CNTNAP5: variants seen among roughly 807,000 people sequenced by gnomAD.
CNTNAP5 encodes contactin associated protein family member 5, also known as contactin-associated protein-like 5.
Under a neutral mutation model 150.2 loss-of-function variants are expected in CNTNAP5, and 72 were observed. The observed-to-expected ratio is 0.48, with a 90% CI of 0.40 to 0.58. The LOEUF (loss-of-function observed/expected upper bound fraction) is 0.58. Among genes scored for constraint, CNTNAP5 ranks in the 20% least tolerant of loss-of-function variants. CNTNAP5 has a pLI of 0.00. For missense variants in CNTNAP5, 1,636 were observed against 1,626.2 expected, an observed-to-expected ratio of 1.01 and a Z score of -0.10; for synonymous variants, 672 against 619.8, an observed-to-expected ratio of 1.08 and a Z score of -1.25.
chr2:124,178,965 G>A (rs1157225574), intron 1 of CNTNAP5, among the ~76,000 whole-genome samples: 5 of 150,632 alleles, frequency 3.3e-5, no homozygotes, highest in African/African-American at 9.8e-5. Flanking sequence ...TTTTGTGTGT[G>A]TGTGAGAGAC....
intron 1 of CNTNAP5, among the ~76,000 whole-genome samples, chr2:124,031,268 A>T (rs535344217): frequency 1.1e-4 from 17 of 152,128 alleles, no homozygotes; most frequent in African/African-American, 3.9e-4. Flanking sequence ...TCTGATGGTC[A>T]TATTTTATTT....
intron 17 of CNTNAP5, among the ~76,000 whole-genome samples, chr2:124,785,041 G>GAAAAAAAAAAAAAAAAAAAAAAGAAAAAA (rs67254743): frequency 2.4e-5 from 3 of 123,486 alleles, no homozygotes; most frequent in Non-Finnish European, 5.0e-5. Context: ...TTAAGGCTGA[G>GAAAAAAAAAAAAAAAAAAAAAAGAAAAAA]AAAAAAAAAA....
intron 1 of CNTNAP5, among the ~76,000 whole-genome samples, chr2:124,139,938 T>G (rs1056512703): frequency 1.3e-5 from 2 of 152,080 alleles, no homozygotes; most frequent in Admixed American, 6.5e-5. Flanking sequence ...GCGCGCACCG[T>G]GCACGAGCCG....
chr2:124,355,786 T>G (rs1689983197), intron 3 of CNTNAP5, among the ~76,000 whole-genome samples: 1 of 152,180 alleles, frequency 6.6e-6, no homozygotes, highest in South Asian at 2.1e-4. Context: ...AGTTGGACAT[T>G]TGTAATTTGC....
At chr2:124,105,799 C>A (rs555058076) in intron 1 of CNTNAP5, among the ~76,000 whole-genome samples, 1 of 151,816 alleles carries the variant, frequency 6.6e-6, no homozygotes, top group Non-Finnish European at 1.5e-5. Context: ...TTTACCCCAC[C>A]GTGACCAGAT....
chr2:124,528,964 G>A (rs564094509), intron 10 of CNTNAP5, among the ~76,000 whole-genome samples: 29 of 152,074 alleles, frequency 1.9e-4, no homozygotes, highest in African/African-American at 5.3e-4. Flanking sequence ...AATGAGCTGC[G>A]TAACTTGGTG....
chr2:124,395,843 C>T (rs140105729), intron 3 of CNTNAP5, among the ~76,000 whole-genome samples: 8 of 152,190 alleles, frequency 5.3e-5, no homozygotes, highest in African/African-American at 1.9e-4. Flanking sequence ...GCACTCTGGT[C>T]CCTATTTTAA....
intron 3 of CNTNAP5, among the ~76,000 whole-genome samples, chr2:124,257,313 C>T (rs1687338172): frequency 6.6e-6 from 1 of 152,186 alleles, no homozygotes; most frequent in Non-Finnish European, 1.5e-5. Context: ...CTCTGAGCTC[C>T]TCTGCTAGGG....
intron 19 of CNTNAP5, among the ~76,000 whole-genome samples, chr2:124,811,680 G>A (rs997811173): frequency 7.8e-6 from 1 of 128,678 alleles, no homozygotes; most frequent in Non-Finnish European, 1.6e-5. Flanking sequence ...GGTGGCTCAT[G>A]CCTGTAATCC....
intron 21 of CNTNAP5, among the ~76,000 whole-genome samples, chr2:124,902,429 C>T (rs916883707): frequency 6.6e-6 from 1 of 152,104 alleles, no homozygotes; most frequent in Non-Finnish European, 1.5e-5. Context: ...AATCCCTCTA[C>T]CTCTTTATTT....
At chr2:124,701,549 G>A (rs1679521613) in intron 13 of CNTNAP5, among the ~76,000 whole-genome samples, 1 of 152,024 alleles carries the variant, frequency 6.6e-6, no homozygotes, top group Admixed American at 6.6e-5. Flanking sequence ...CATTGAATAG[G>A]GATCACTAGG....
At chr2:124,408,839 C>G (rs1258117268) in intron 3 of CNTNAP5, among the ~76,000 whole-genome samples, 4 of 152,162 alleles carry the variant, frequency 2.6e-5, no homozygotes, top group Non-Finnish European at 5.9e-5. Context: ...CTCTCCTCCT[C>G]CAAAGGAATG....
chr2:124,765,518 G>T (rs1411562005), intron 16 of CNTNAP5, among the ~76,000 whole-genome samples: 1 of 152,050 alleles, frequency 6.6e-6, no homozygotes, highest in Non-Finnish European at 1.5e-5. Context: ...GGTAAATCTA[G>T]AGTTCTATGT....
intron 3 of CNTNAP5, among the ~76,000 whole-genome samples, chr2:124,373,136 C>T (rs370365827): frequency 6.6e-5 from 10 of 152,254 alleles, no homozygotes; most frequent in East Asian, 5.8e-4. Flanking sequence ...TTGACATTAG[C>T]TTGGAGTCTC....
intron 3 of CNTNAP5, among the ~76,000 whole-genome samples, chr2:124,258,002 G>T (rs61170131): frequency 6.6e-6 from 1 of 151,998 alleles, no homozygotes; most frequent in African/African-American, 2.4e-5. Context: ...ATTATCTTTC[G>T]CCCGTCACTC....
At chr2:124,264,329 A>G (rs1180589139) in intron 3 of CNTNAP5, among the ~76,000 whole-genome samples, 2 of 151,552 alleles carry the variant, frequency 1.3e-5, no homozygotes, top group Non-Finnish European at 2.9e-5. Flanking sequence ...GTGTTCGAGT[A>G]AACAATGCAG....
At chr2:124,133,644 A>G (rs948755147) in intron 1 of CNTNAP5, among the ~76,000 whole-genome samples, 1 of 152,068 alleles carries the variant, frequency 6.6e-6, no homozygotes, top group African/African-American at 2.4e-5. Flanking sequence ...TGTATCCAGC[A>G]CTGACTTTCT....
intron 19 of CNTNAP5, among the ~76,000 whole-genome samples, chr2:124,835,774 C>T (rs1420867355): frequency 2.6e-5 from 4 of 151,996 alleles, no homozygotes; most frequent in Admixed American, 6.6e-5. Context: ...TTTGCAGCCA[C>T]GGAGCAGAGA....
At chr2:124,434,179 C>T (rs1692464775) in intron 4 of CNTNAP5, among the ~76,000 whole-genome samples, 1 of 152,188 alleles carries the variant, frequency 6.6e-6, no homozygotes, top group Non-Finnish European at 1.5e-5. Context: ...GTAAGCCAGA[C>T]ATAGGTACTT....
Sources: allele counts gnomAD v4.1 joint callset (sites outside exome capture counted in the v4.1 genomes callset), GRCh38; gene constraint gnomAD v4.1.1; transcripts MANE v1.5; gene names NCBI Gene and HGNC (gene_info 2026-07-23, HGNC 2026-07-21).